KIF5C: variants seen among roughly 807,000 people sequenced by gnomAD.
KIF5C encodes the protein kinesin family member 5C.
A neutral mutation model predicts 125.2 loss-of-function variants in KIF5C; 18 were observed. That is an observed-to-expected ratio of 0.14 (90% CI 0.10 to 0.21). The LOEUF is 0.21. KIF5C is among the 10% of genes least tolerant of loss of function. KIF5C has a pLI of 1.00. For missense variants in KIF5C, 780 were observed against 1,183.8 expected (o/e 0.66, Z 5.01); for synonymous variants, 405 against 434.0 (o/e 0.93, Z 0.83).
chr2:148,875,304 T>C lies in KIF5C; in HGVS notation c.-314T>C, dbSNP rs990265596. The C allele has an allele frequency of 2.9e-5, 8 of 271,802 alleles. No homozygotes were observed. Among genetic ancestry groups the C allele is most frequent in the Non-Finnish European group, 4.8e-5 (7 of 146,432 alleles). 16.8% of individuals were successfully genotyped at this position (271,802 alleles called of 1,614,324 possible). A position where few individuals can be genotyped will look rare whatever the true frequency, so the allele number is the denominator to read the frequency against. ...TCTGAGCCGGGCGAGGCTCGCTCCC[T>C]GCGCATCGCCTCCTCCGCCCGCCGC... On this transcript the variant is annotated 5_prime_UTR_variant, in exon 1 of 26. Transcript: ENST00000435030.
At chr2:149,010,890 G>A (rs978604978) in intron 24 of KIF5C, among the ~76,000 whole-genome samples, 1 of 152,234 alleles carries the variant, frequency 6.6e-6, no homozygotes, top group Non-Finnish European at 1.5e-5. Flanking sequence ...AGACCTGTAT[G>A]GATTTGGGCA....
chr2:149,008,216 C>T, intron 23 of KIF5C, 149 bp downstream of exon 23: 1 of 1,091,234 alleles, frequency 9.2e-7, no homozygotes, highest in South Asian at 3.2e-5. Context: ...TGGAAAGGTC[C>T]TTACAAATCC....
chr2:148,978,334 G>GTTTTT (rs71406035), intron 12 of KIF5C, among the ~76,000 whole-genome samples: 9 of 78,636 alleles, frequency 1.1e-4, no homozygotes, highest in African/African-American at 3.3e-4. Context: ...CTGCCCTGAG[G>GTTTTT]TTTTTTTTTT....
rs1303293908 is a variant in KIF5C at position 148,962,064 on chromosome 2, G to T, written c.1062G>T (p.Lys354Asn). 6.2e-7 allele frequency: 1 copy of T among 1,613,606 alleles called. No homozygotes were observed. Among genetic ancestry groups the T allele is most frequent in the Non-Finnish European group, 8.5e-7 (1 of 1,179,786 alleles). Residue 354 changes from lysine (K) to asparagine (N), a missense_variant, in exon 11 of 26, where the codon AAG (lysine) becomes AAT (asparagine). By Grantham distance (94) the Lys-to-Asn change is moderately conservative (BLOSUM62 0). Coordinates refer to ENST00000435030, the MANE Select transcript of KIF5C (RefSeq NM_004522.3). ...ATGAAAAAGAGAAAGAGAAAAACAA[G>T]ACTTTGAAGAATGTTATCCAGCATC... is the stretch of plus-strand genomic sequence containing the variant. ...KKYEKEKEKN[K>N]TLKNVIQHLE...
At position 148,907,923 on chromosome 2, in the gene KIF5C, G is replaced by T. The variant is rs1054842887; in HGVS notation, c.127-14214G>T. Among the ~76,000 whole-genome samples the T allele has an allele frequency of 4.6e-5, 7 of 152,218 alleles. No homozygotes were observed. The East Asian group carries it at 9.6e-4, about 21-fold the overall frequency. The stretch of plus-strand genomic sequence containing the variant: ...GTAAAAGCAATTCCCAGTCATTGGG[G>T]TCATCTGGAGATCTATGTTAGAGTC... On this transcript the variant is annotated intron_variant, in intron 1 of 25. Coordinates refer to ENST00000435030, the MANE Select transcript of KIF5C (RefSeq NM_004522.3).
At chr2:148,892,682 T>A (rs937779312) in intron 1 of KIF5C, among the ~76,000 whole-genome samples, 12 of 152,242 alleles carry the variant, frequency 7.9e-5, no homozygotes, top group Admixed American at 3.3e-4. Context: ...CACTTATGAA[T>A]GTTTAGATGT....
At chr2:148,985,469 A>G (rs555083179) in intron 15 of KIF5C, among the ~76,000 whole-genome samples, 1 of 152,088 alleles carries the variant, frequency 6.6e-6, no homozygotes, top group Admixed American at 6.5e-5. Flanking sequence ...TGGTCTCTCT[A>G]TTTTGTTTCA....
intron 25 of KIF5C, among the ~76,000 whole-genome samples, chr2:149,015,064 C>T (rs1682321815): frequency 6.6e-6 from 1 of 152,164 alleles, no homozygotes; most frequent in African/African-American, 2.4e-5. Context: ...ACATGCACAC[C>T]TGTAACCCTA....
chr2:148,948,914 G>T (rs1263391559), intron 8 of KIF5C, among the ~76,000 whole-genome samples: 1 of 152,186 alleles, frequency 6.6e-6, no homozygotes, highest in Non-Finnish European at 1.5e-5. Flanking sequence ...ACACAAACAA[G>T]TCCAAGGGAG....
At chr2:148,980,720 T>TTATC (rs1681210564) in intron 13 of KIF5C, among the ~76,000 whole-genome samples, 1 of 151,108 alleles carries the variant, frequency 6.6e-6, no homozygotes, top group African/African-American at 2.4e-5. Flanking sequence ...ATTTATTTAT[T>TTATC]ATTTAGACGA....
At chr2:148,973,225 A>G (rs1681756376) in intron 11 of KIF5C, 111 bp from the exon 12 acceptor site, 12 of 1,421,560 alleles carry the variant, frequency 8.4e-6, no homozygotes, top group African/African-American at 1.4e-5. Flanking sequence ...ACAGCCCTTT[A>G]TTGTGTCTTC....
intron 16 of KIF5C, among the ~76,000 whole-genome samples, chr2:148,994,184 G>A (rs1681602117): frequency 6.6e-6 from 1 of 152,168 alleles, no homozygotes; most frequent in South Asian, 2.1e-4. Flanking sequence ...GTGAGGAGGG[G>A]CCTGCCATGA....
intron 15 of KIF5C, among the ~76,000 whole-genome samples, chr2:148,987,681 G>A (rs1227127360): frequency 2.0e-5 from 3 of 152,014 alleles, no homozygotes; most frequent in African/African-American, 7.2e-5. Context: ...TCAGTCATTC[G>A]GGGGGTTAGG....
At chr2:148,996,366 C>G (rs1681673848) in intron 17 of KIF5C, among the ~76,000 whole-genome samples, 1 of 152,242 alleles carries the variant, frequency 6.6e-6, no homozygotes, top group South Asian at 2.1e-4. Flanking sequence ...AACCTTGTAA[C>G]ATGTTCTTTG....
rs1265116428 is a variant in KIF5C, at chr2:148,876,959, T to A, written c.126+1216T>A. Among the ~76,000 whole-genome samples, 1 of 152,150 alleles carries A rather than the reference T, an allele frequency of 6.6e-6. No individual in the cohort carries two copies. Among genetic ancestry groups the A allele is most frequent in the Non-Finnish European group, 1.5e-5 (1 of 68,014 alleles). On this transcript the variant is annotated intron_variant, in intron 1 of 25. Transcript: ENST00000435030. This position sits in a 1 kb window ranked among gnomAD's most constrained non-coding sequence, Gnocchi z 4.7. ...TGCTCCGACTAACCCCCTCCTCCCC[T>A]TCCTCCAGTGGCTGGTGTATTTAGG...
intron 21 of KIF5C, 26 bp downstream of exon 21, chr2:149,000,808 T>A (rs1681825165): frequency 6.2e-7 from 1 of 1,612,116 alleles, no homozygotes; most frequent in African/African-American, 1.3e-5. Context: ...TCCCGATTTA[T>A]GTTTGTCTCC....
chr2:148,990,933 AG>A, intron 15 of KIF5C, 76 bp from the exon 16 acceptor site: 1 of 1,498,678 alleles, frequency 6.7e-7, no homozygotes, highest in Non-Finnish European at 8.9e-7. Context: ...TTGGGGATCC[AG>A]GGGCAGGTTT....
chr2:148,950,283 C>G, intron 9 of KIF5C, 31 bp from the exon 10 acceptor site: 3 of 1,605,512 alleles, frequency 1.9e-6, no homozygotes, highest in Non-Finnish European at 2.6e-6. Context: ...AATGGGCTGT[C>G]AAAACCAATA....
chr2:148,913,969 G>A (rs977669646), intron 1 of KIF5C, among the ~76,000 whole-genome samples: 2 of 152,156 alleles, frequency 1.3e-5, no homozygotes, highest in East Asian at 1.9e-4. Flanking sequence ...AGAACCCGGA[G>A]CTCTCTCCTG....
Sources: allele counts gnomAD v4.1 joint callset (sites outside exome capture counted in the v4.1 genomes callset), GRCh38; gene constraint gnomAD v4.1.1; non-coding constraint Gnocchi (gnomAD v3.1); transcripts MANE v1.5; gene names NCBI Gene and HGNC (gene_info 2026-07-23, HGNC 2026-07-21).